Variants in NPSR1 observed in about 807,000 individuals in gnomAD.
NPSR1 encodes neuropeptide S receptor 1.
In NPSR1, 48 loss-of-function variants were observed where a neutral mutation model predicts 46.9. That is an observed-to-expected ratio of 1.02 (90% CI 0.81 to 1.30). The LOEUF (loss-of-function observed/expected upper bound fraction) is 1.30. NPSR1 is among the 50% of genes most tolerant of loss of function. NPSR1 has a pLI of 0.00. For missense variants in NPSR1, 450 were observed against 449.5 expected (o/e 1.00, Z -0.01); for synonymous variants, 176 against 168.1 (o/e 1.05, Z -0.36).
intron 4 of NPSR1, among the ~76,000 whole-genome samples, chr7:34,826,899 AAAAG>A (rs1789881152): frequency 1.3e-5 from 2 of 151,920 alleles, no homozygotes; most frequent in African/African-American, 4.8e-5. Flanking sequence ...AAAAAAAAAA[AAAAG>A]AAAGAAGTTT....
intron 3 of NPSR1, among the ~76,000 whole-genome samples, chr7:34,798,381 A>C (rs1788286954): frequency 6.6e-6 from 1 of 152,120 alleles, no homozygotes. Context: ...CTAAAAATAC[A>C]AAAATAGGCC....
chr7:34,752,101 G>A (rs1785569839), intron 2 of NPSR1: 1 of 554,456 alleles, frequency 1.8e-6, no homozygotes, highest in Non-Finnish European at 3.3e-6. Flanking sequence ...GGAAATTATT[G>A]CCAGACCAAC....
intron 3 of NPSR1, among the ~76,000 whole-genome samples, chr7:34,796,872 T>C (rs1483986681): frequency 1.3e-5 from 2 of 152,192 alleles, no homozygotes; most frequent in African/African-American, 4.8e-5. Context: ...AACACCTGCA[T>C]ACAAACGTTT....
chr7:34,803,899 T>C (rs1788559910), intron 3 of NPSR1, among the ~76,000 whole-genome samples: 1 of 152,008 alleles, frequency 6.6e-6, no homozygotes, highest in Non-Finnish European at 1.5e-5. Flanking sequence ...ATAGCTTAGA[T>C]GAAATGAACC....
intron 2 of NPSR1, chr7:34,750,498 A>G: frequency 1.4e-6 from 1 of 716,724 alleles, no homozygotes; most frequent in Admixed American, 1.8e-5. Context: ...CAAACAGTGG[A>G]TGGTTTCTTG....
intron 8 of NPSR1, among the ~76,000 whole-genome samples, chr7:34,859,092 C>A (rs1340363260): frequency 6.6e-6 from 1 of 151,532 alleles, no homozygotes; most frequent in Non-Finnish European, 1.5e-5. Flanking sequence ...GGGAGGTGAT[C>A]AACTGGGTCT....
intron 3 of NPSR1, 135 bp downstream of exon 3, chr7:34,778,700 T>A (rs1393882756): frequency 1.8e-6 from 1 of 548,096 alleles, no homozygotes; most frequent in Non-Finnish European, 3.2e-6. Context: ...AGAAGGGCAA[T>A]GAAAATTTGA....
intron 2 of NPSR1, among the ~76,000 whole-genome samples, chr7:34,717,120 T>A (rs1315290651): frequency 6.6e-6 from 1 of 152,184 alleles, no homozygotes; most frequent in Non-Finnish European, 1.5e-5. Context: ...AGAGGATGTA[T>A]AATGAGTCTT....
At chr7:34,745,677 C>T (rs1785167456) in intron 2 of NPSR1, among the ~76,000 whole-genome samples, 1 of 152,130 alleles carries the variant, frequency 6.6e-6, no homozygotes, top group South Asian at 2.1e-4. Context: ...CACCACCAAG[C>T]CCAGCTAATT....
At chr7:34,671,445 A>T (rs901142162) in intron 1 of NPSR1, among the ~76,000 whole-genome samples, 2 of 152,178 alleles carry the variant, frequency 1.3e-5, no homozygotes, top group Non-Finnish European at 2.9e-5. Context: ...ATGACAGTAA[A>T]TAGGAAGAAT....
chr7:34,877,615 G>A (rs1307544630), intron 8 of NPSR1, among the ~76,000 whole-genome samples: 1 of 152,230 alleles, frequency 6.6e-6, no homozygotes, highest in East Asian at 1.9e-4. Context: ...GGAGACCAGA[G>A]GCAGAGGGGT....
At chr7:34,678,731 C>G (rs903844998) in intron 1 of NPSR1, among the ~76,000 whole-genome samples, 1 of 150,752 alleles carries the variant, frequency 6.6e-6, no homozygotes, top group African/African-American at 2.5e-5. Flanking sequence ...GAGGCTGAGG[C>G]AGGAGAATGG....
At chr7:34,749,468 C>G (rs973693956) in intron 2 of NPSR1, among the ~76,000 whole-genome samples, 1 of 152,144 alleles carries the variant, frequency 6.6e-6, no homozygotes, top group Non-Finnish European at 1.5e-5. Context: ...AGTAAGTATA[C>G]CCACCCTAAT....
At chr7:34,777,927 T>C (rs1787047476) in intron 2 of NPSR1, among the ~76,000 whole-genome samples, 1 of 152,086 alleles carries the variant, frequency 6.6e-6, no homozygotes, top group African/African-American at 2.4e-5. Flanking sequence ...GGATAGATCA[T>C]ACACTTGCTG....
intron 3 of NPSR1, among the ~76,000 whole-genome samples, chr7:34,788,248 C>A (rs947278737): frequency 6.6e-6 from 1 of 151,560 alleles, no homozygotes; most frequent in Non-Finnish European, 1.5e-5. Flanking sequence ...AACCACAAAG[C>A]AAAACCTGTA....
intron 8 of NPSR1, among the ~76,000 whole-genome samples, chr7:34,871,329 T>C (rs1791448198): frequency 6.6e-6 from 1 of 151,444 alleles, no homozygotes; most frequent in Non-Finnish European, 1.5e-5. Context: ...GCTAAGACAG[T>C]CAGGAGGGAT....
chr7:34,748,353 C>T (rs1227072828), intron 2 of NPSR1, among the ~76,000 whole-genome samples: 1 of 152,238 alleles, frequency 6.6e-6, no homozygotes, highest in Non-Finnish European at 1.5e-5. Context: ...CTCACCATCA[C>T]AGCCACTTCA....
At chr7:34,759,662 C>T (rs1361734283) in intron 2 of NPSR1, among the ~76,000 whole-genome samples, 4 of 152,094 alleles carry the variant, frequency 2.6e-5, no homozygotes, top group Non-Finnish European at 4.4e-5. Flanking sequence ...ATAATCATGG[C>T]GGGTATAAAC....
intron 3 of NPSR1, among the ~76,000 whole-genome samples, chr7:34,782,704 A>C (rs1421464466): frequency 1.3e-5 from 2 of 152,176 alleles, no homozygotes; most frequent in African/African-American, 4.8e-5. Flanking sequence ...AAACGCACAC[A>C]CATCAACATA....
Sources: gnomAD v4.1 joint callset for allele counts (sites outside exome capture counted in the v4.1 genomes callset) on GRCh38, gnomAD v4.1.1 for gene constraint, MANE v1.5 for transcripts, NCBI Gene and HGNC (gene_info 2026-07-23, HGNC 2026-07-21) for gene names.